PLG: variants seen among roughly 807,000 people sequenced by gnomAD.
PLG encodes plasminogen, also known as plasmin.
A neutral mutation model predicts 104.4 loss-of-function variants in PLG; 41 were observed. That is an observed-to-expected ratio of 0.39 (90% CI 0.31 to 0.51). The LOEUF (loss-of-function observed/expected upper bound fraction) is 0.51, where lower values mean the gene tolerates loss of function less well. Among genes scored for constraint, PLG ranks in the 20% least tolerant of loss-of-function variants. The pLI is 0.76. For missense variants in PLG, 891 were observed against 1,003.6 expected (o/e 0.89, Z 1.52); for synonymous variants, 337 against 357.1 (o/e 0.94, Z 0.63).
chr6:160,711,164 G>T lies in PLG; in HGVS notation c.380G>T (p.Trp127Leu), dbSNP rs1777633996. The change falls in exon 4 of 19, where the codon TGG (tryptophan) becomes TTG (leucine). Residue 127 changes from tryptophan (W) to leucine (L), a missense_variant. Trp to Leu is a moderately conservative substitution (Grantham distance 61, BLOSUM62 -2). Coordinates refer to ENST00000308192, the MANE Select transcript of PLG (RefSeq NM_000301.5). The stretch of plus-strand genomic sequence containing the variant: ...AAAAATGGCATCACCTGTCAAAAAT[G>T]GAGTTCCACTTCTCCCCACAGACCT... ...KTKNGITCQK[W>L]SSTSPHRPRF... 6.2e-7 allele frequency: 1 copy of T among 1,613,000 alleles called. No homozygotes were observed. The highest frequency in any genetic ancestry group is 8.5e-7 in the Non-Finnish European group (1 of 1,179,050).
chr6:160,704,993 G>A (rs1777490791), intron 1 of PLG, among the ~76,000 whole-genome samples: 1 of 152,118 alleles, frequency 6.6e-6, no homozygotes, highest in Admixed American at 6.6e-5. Flanking sequence ...TTCCCTGGAG[G>A]GCTCGCTGTC....
Position 160,713,126 on chromosome 6 carries a change from G to A in PLG, c.547+1G>A. 6.2e-7 allele frequency: 1 copy of A among 1,608,624 alleles called. No individual in the cohort carries two copies. Among genetic ancestry groups the A allele is most frequent in the Non-Finnish European group, 8.5e-7 (1 of 1,176,774 alleles). On this transcript the variant is annotated splice_donor_variant, in intron 5 of 18. Coordinates refer to ENST00000308192, the MANE Select transcript of PLG (RefSeq NM_000301.5). LOFTEE classifies it high-confidence loss of function. The stretch of plus-strand genomic sequence containing the variant: ...TACTGCGACATTCTTGAGTGTGAAG[G>A]TCAGGAGTGGTTCTAGAAAATGTTT...
In PLG at chr6:160,738,347, G is replaced by C; in HGVS notation, c.1803-191G>C. 1 of 607,276 alleles carries C rather than the reference G, an allele frequency of 1.6e-6. No homozygotes were observed. The highest frequency in any genetic ancestry group is 3.0e-6 in the Non-Finnish European group (1 of 329,816). The allele number at this position is 607,276 out of a possible 1,614,324, so 37.6% of individuals were successfully genotyped here. Reference sequence around the variant, plus strand: ...GCATCGGAAAAATTGGCATAGATGGGCCCTTCTCAAAAATCCCACTCCTGG... The same window carrying C: ...GCATCGGAAAAATTGGCATAGATGGCCCCTTCTCAAAAATCCCACTCCTGG... On this transcript the variant is annotated intron_variant, in intron 14 of 18. Transcript: ENST00000308192. The surrounding 1 kb of genome is among the most constrained non-coding windows in gnomAD (Gnocchi z 6.8).
At position 160,737,543 on chromosome 6, in the gene PLG, T is replaced by A. The variant is rs1170761202; in HGVS notation, c.1802+536T>A. Among the ~76,000 whole-genome samples the A allele has an allele frequency of 1.3e-5, 2 of 152,210 alleles. No homozygotes were observed. The highest frequency in any genetic ancestry group is 2.4e-5 in the African/African-American group (1 of 41,468). ...CATGATCCCCATAAATGAAGAGTGA[T>A]CAGTCCAATCCCAGGGAACCTGGAC... On this transcript the variant is annotated intron_variant, in intron 14 of 18. Coordinates refer to ENST00000308192, the MANE Select transcript of PLG (RefSeq NM_000301.5). This position sits in a 1 kb window ranked among gnomAD's most constrained non-coding sequence, Gnocchi z 4.7.
At chr6:160,703,967 T>C (rs1777471680) in intron 1 of PLG, among the ~76,000 whole-genome samples, 1 of 152,234 alleles carries the variant, frequency 6.6e-6, no homozygotes, top group Non-Finnish European at 1.5e-5. Flanking sequence ...CCATGCTTAG[T>C]GGGAAGTGGA....
In PLG at chr6:160,740,394, A is replaced by C. The variant is rs1216006377; in HGVS notation, c.2019-917A>C. On this transcript the variant is annotated intron_variant, in intron 16 of 18. Transcript: ENST00000308192. This position sits in a 1 kb window ranked among gnomAD's most constrained non-coding sequence, Gnocchi z 5.2. ...GGTGTTCTGATGGCTTGAACAAGTA[A>C]TTTGGAAATTTTGGGTTTTGGAGGA... 6.6e-6 allele frequency among the ~76,000 whole-genome samples: 1 copy of C among 152,128 alleles called. No homozygotes were observed. The highest frequency in any genetic ancestry group is 6.5e-5 in the Admixed American group (1 of 15,280).
chr6:160,706,430 T>C lies in PLG; in HGVS notation c.73T>C (p.Tyr25His), dbSNP rs777646481. ...KSGQGEPLDDYVNTQGASLFS... is the reference protein window; with the variant it reads ...KSGQGEPLDDHVNTQGASLFS... ...AGGTCAAGGAGAGCCTCTGGATGAC[T>C]ATGTGAATACCCAGGGGGCTTCACT... The change falls in exon 2 of 19, where the codon TAT becomes CAT. Residue 25 changes from tyrosine to histidine, a missense_variant. Tyr to His is a moderately conservative substitution (Grantham distance 83, BLOSUM62 2). Coordinates refer to ENST00000308192, the MANE Select transcript of PLG (RefSeq NM_000301.5). 6.2e-7 allele frequency: 1 copy of C among 1,613,524 alleles called. No homozygotes were observed. Among genetic ancestry groups the C allele is most frequent in the East Asian group, 2.2e-5 (1 of 44,886 alleles).
At chr6:160,718,956 G>T in intron 9 of PLG, 118 bp downstream of exon 9, 7 of 907,316 alleles carry the variant, frequency 7.7e-6, no homozygotes, top group Non-Finnish European at 1.3e-5. Context: ...TGGTCAGAAA[G>T]CCTGCCCTTA....
rs1474851482 is a variant in PLG, at chr6:160,731,275, G to A, written c.1438+43G>A. The A allele has an allele frequency of 1.3e-6, 2 of 1,528,054 alleles. No homozygotes were observed. Among genetic ancestry groups the A allele is most frequent in the South Asian group, 1.1e-5 (1 of 89,520 alleles). 94.7% of individuals were successfully genotyped at this position (1,528,054 alleles called of 1,614,324 possible). Reference sequence around the variant, plus strand: ...GGACATCTACACACTTGGACGCTGGGATGAAAAGCCATGGAAAATCTCACT... The same window carrying A: ...GGACATCTACACACTTGGACGCTGGAATGAAAAGCCATGGAAAATCTCACT... On this transcript the variant is annotated intron_variant, in intron 11 of 18. Transcript: ENST00000308192. The surrounding 1 kb of genome is among the most constrained non-coding windows in gnomAD (Gnocchi z 5.1).
chr6:160,731,739 G>A lies in PLG; in HGVS notation c.1439-6G>A. 1 of 1,613,330 alleles carries A rather than the reference G, an allele frequency of 6.2e-7. No individual in the cohort carries two copies. Among genetic ancestry groups the A allele is most frequent in the Non-Finnish European group, 8.5e-7 (1 of 1,179,556 alleles). The stretch of plus-strand genomic sequence containing the variant: ...CTTCATAATCATCCATTTTTTCCCT[G>A]TACAGACTGTATGTTTGGGAATGGG... On this transcript the variant is annotated splice_region_variant and splice_polypyrimidine_tract_variant and intron_variant, in intron 11 of 18. Transcript: ENST00000308192. This position sits in a 1 kb window ranked among gnomAD's most constrained non-coding sequence, Gnocchi z 5.1.
chr6:160,747,539 T>A (rs1252356792), intron 17 of PLG, among the ~76,000 whole-genome samples: 3 of 152,216 alleles, frequency 2.0e-5, no homozygotes, highest in African/African-American at 2.4e-5. Context: ...ACCACTCAGC[T>A]CTAACCCCTC....
intron 17 of PLG, among the ~76,000 whole-genome samples, 161 bp from the exon 18 acceptor site, chr6:160,751,954 T>C (rs1287450672): frequency 6.6e-6 from 1 of 152,220 alleles, no homozygotes; most frequent in Admixed American, 6.5e-5. Context: ...TCATATATGA[T>C]GTTTACACTC....
chr6:160,713,200 C>T (rs1159846465), intron 5 of PLG, 75 bp downstream of exon 5: 3 of 1,110,802 alleles, frequency 2.7e-6, no homozygotes, highest in Non-Finnish European at 2.8e-6. Context: ...AGCCCCTTCC[C>T]ACAGGGATGT....
chr6:160,706,520 G>A lies in PLG; in HGVS notation c.163G>A (p.Glu55Lys). 1.2e-6 allele frequency: 2 copies of A among 1,613,916 alleles called. No homozygotes were observed. Among genetic ancestry groups the A allele is most frequent in the Non-Finnish European group, 1.7e-6 (2 of 1,179,820 alleles). Residue 55 changes from glutamate to lysine, a missense_variant, in exon 2 of 19, where the codon GAG becomes AAG. By Grantham distance (56) the Glu-to-Lys change is moderately conservative. This residue lies in a region of PLG where 854 missense variants were observed against 932.1 expected (regional missense o/e 0.92). Transcript: ENST00000308192. ...SIEECAAKCE[E>K]DEEFTCRAFQ... is the part of the protein sequence containing the mutation. ...AGAAGAATGTGCAGCAAAATGTGAGGAGGACGAAGAATTCACCTGCAGGTA... is the reference window on the plus strand; with the variant it reads ...AGAAGAATGTGCAGCAAAATGTGAGAAGGACGAAGAATTCACCTGCAGGTA...
chr6:160,715,003 C>A, intron 6 of PLG, 89 bp downstream of exon 6: 1 of 1,345,260 alleles, frequency 7.4e-7, no homozygotes, highest in Non-Finnish European at 1.1e-6. Flanking sequence ...TTTTAGCATT[C>A]CTCAAGAAGT....
At chr6:160,707,050 T>C (rs892016894) in intron 2 of PLG, among the ~76,000 whole-genome samples, 2 of 151,712 alleles carry the variant, frequency 1.3e-5, no homozygotes, top group Non-Finnish European at 2.9e-5. Flanking sequence ...TTGAGGCAGC[T>C]AGAGAAGGCT....
At chr6:160,704,817 C>T (rs770398118) in intron 1 of PLG, among the ~76,000 whole-genome samples, 3 of 152,214 alleles carry the variant, frequency 2.0e-5, no homozygotes, top group Non-Finnish European at 2.9e-5. Context: ...CATGCATCCA[C>T]CTCCCTGTCC....
chr6:160,714,552 T>C (rs1349135047), intron 5 of PLG, among the ~76,000 whole-genome samples: 1 of 152,100 alleles, frequency 6.6e-6, no homozygotes, highest in African/African-American at 2.4e-5. Context: ...ACTACAATAG[T>C]TGAGGGAGTA....
chr6:160,703,864 C>G (rs1777469980), intron 1 of PLG, among the ~76,000 whole-genome samples: 1 of 152,232 alleles, frequency 6.6e-6, no homozygotes, highest in Non-Finnish European at 1.5e-5. Flanking sequence ...CACATTCTCT[C>G]ATAAGCTCTT....
Sources: gnomAD v4.1 joint callset for allele counts (sites outside exome capture counted in the v4.1 genomes callset) on GRCh38, gnomAD v4.1.1 for gene constraint, gnomAD v4.1.1 regional missense constraint, Gnocchi (gnomAD v3.1) non-coding constraint, MANE v1.5 for transcripts, NCBI Gene and HGNC (gene_info 2026-07-23, HGNC 2026-07-21) for gene names.